The following TPRG1 variants were observed in gnomAD, a reference collection of about 807,000 sequenced individuals.
TPRG1 encodes tumor protein p63 regulated 1.
Under a neutral mutation model 29.3 loss-of-function variants are expected in TPRG1, and 29 were observed. That is an observed-to-expected ratio of 0.99 (90% CI 0.74 to 1.35). The LOEUF (loss-of-function observed/expected upper bound fraction) is 1.35, where lower values mean the gene tolerates loss of function less well. Among genes scored for constraint, TPRG1 ranks in the 40% most tolerant of loss-of-function variants. The pLI, the probability that TPRG1 is intolerant of heterozygous loss-of-function variation, is 0.00. For synonymous variants in TPRG1, 130 were observed against 116.8 expected (o/e 1.11, Z -0.73); for missense variants, 327 against 335.0 (o/e 0.98, Z 0.19).
At chr3:189,203,160 A>C (rs1733768073) in intron 1 of TPRG1, among the ~76,000 whole-genome samples, 1 of 152,194 alleles carries the variant, frequency 6.6e-6, no homozygotes, top group South Asian at 2.1e-4. Flanking sequence ...TCTCAGAGAG[A>C]TAGATGAAGT....
Position 189,148,540 on chromosome 3 carries a change from T to C in TPRG1, c.-227+893T>C, listed in dbSNP as rs111334270. Among the ~76,000 whole-genome samples, 494 of 152,312 alleles carry C rather than the reference T, an allele frequency of 3.2e-3. 1 individual carries two copies. Among genetic ancestry groups the C allele is most frequent in the Middle Eastern group, 6.8e-3 (2 of 294 alleles). ...TTTATTTTAAACAAGGGGCACATCA[T>C]GGGTCATTGCATGGTGTGAGTTGTT... On this transcript the variant is annotated intron_variant, in intron 4 of 6. Transcript: ENST00000412373.
At chr3:189,139,634 G>A (rs1189456898) in intron 3 of TPRG1, among the ~76,000 whole-genome samples, 4 of 150,938 alleles carry the variant, frequency 2.7e-5, no homozygotes, top group African/African-American at 4.9e-5. Flanking sequence ...CAGCATCAGC[G>A]CTGATGCTCC....
At chr3:189,018,023 G>A (rs1436246883) in intron 3 of TPRG1, among the ~76,000 whole-genome samples, 3 of 151,774 alleles carry the variant, frequency 2.0e-5, no homozygotes, top group Non-Finnish European at 4.4e-5. Context: ...CTGCATAAAT[G>A]TCTTCTTTTG....
chr3:189,129,475 T>G (rs1722863675), intron 2 of TPRG1, among the ~76,000 whole-genome samples: 1 of 152,184 alleles, frequency 6.6e-6, no homozygotes, highest in South Asian at 2.1e-4. Context: ...CCACTGTAAA[T>G]TTGCTGTTTC....
At chr3:189,059,120 C>T (rs975208887) in intron 4 of TPRG1, among the ~76,000 whole-genome samples, 2 of 152,126 alleles carry the variant, frequency 1.3e-5, no homozygotes, top group African/African-American at 4.8e-5. Flanking sequence ...CCTCAGTTTC[C>T]TGATGTCTAA....
intron 2 of TPRG1, among the ~76,000 whole-genome samples, chr3:189,211,217 G>T (rs886232684): frequency 4.6e-5 from 7 of 152,006 alleles, no homozygotes; most frequent in Admixed American, 4.6e-4. Flanking sequence ...ATCCAACTAT[G>T]GGAATATACT....
chr3:189,274,056 C>T (rs755045763), intron 4 of TPRG1, among the ~76,000 whole-genome samples: 4 of 152,042 alleles, frequency 2.6e-5, no homozygotes, highest in Non-Finnish European at 5.9e-5. Context: ...TATTTTGTAC[C>T]CCAACTGTCT....
intron 5 of TPRG1, among the ~76,000 whole-genome samples, chr3:189,314,112 T>C (rs550141677): frequency 6.6e-6 from 1 of 152,214 alleles, no homozygotes; most frequent in African/African-American, 2.4e-5. Flanking sequence ...GGTTTCAGGA[T>C]TGGGTAGATG....
chr3:189,132,679 C>A (rs1368597847), exon 3 of TPRG1: 1 of 152,196 alleles, frequency 6.6e-6, no homozygotes. Flanking sequence ...GGCCACTGAA[C>A]TGTCAGGCGG....
intron 5 of TPRG1, among the ~76,000 whole-genome samples, chr3:189,165,150 T>G (rs1434146146): frequency 6.6e-6 from 1 of 151,924 alleles, no homozygotes; most frequent in Non-Finnish European, 1.5e-5. Flanking sequence ...AAACTTTGAG[T>G]TTACCTAGGA....
At chr3:189,279,491 T>G (rs1481405824) in intron 4 of TPRG1, among the ~76,000 whole-genome samples, 1 of 152,236 alleles carries the variant, frequency 6.6e-6, no homozygotes, top group Non-Finnish European at 1.5e-5. Flanking sequence ...AGCTCTATAA[T>G]TATCTATTTG....
At chr3:189,057,201 GC>G (rs1351168487) in intron 4 of TPRG1, among the ~76,000 whole-genome samples, 1 of 152,152 alleles carries the variant, frequency 6.6e-6, no homozygotes, top group Admixed American at 6.5e-5. Context: ...ATACACAGTG[GC>G]ATTTGAGGCC....
intron 1 of TPRG1, among the ~76,000 whole-genome samples, chr3:189,180,054 G>C (rs1330939912): frequency 6.6e-6 from 1 of 152,204 alleles, no homozygotes; most frequent in Non-Finnish European, 1.5e-5. Context: ...AGCATACGAA[G>C]AGATAGAGTT....
rs13314465 is a variant in TPRG1, at chr3:189,166,866, G to A, written c.-10+15994G>A. On this transcript the variant is annotated intron_variant, in intron 5 of 6. Coordinates refer to the TPRG1 transcript ENST00000412373. Reference sequence around the variant, plus strand: ...ATCAGGGTCATTTTCAATTTAATTCGACCATATATTGGGTATCCGAGTCTG... The same window carrying A: ...ATCAGGGTCATTTTCAATTTAATTCAACCATATATTGGGTATCCGAGTCTG... Among the ~76,000 whole-genome samples, 584 of 152,148 alleles carry A rather than the reference G, an allele frequency of 3.8e-3. 3 individuals are homozygous for A. The highest frequency in any genetic ancestry group is 6.4e-3 in the Non-Finnish European group (432 of 67,992).
At position 189,323,201 on chromosome 3, in the gene TPRG1, T is replaced by C. The variant is rs1724462381; in HGVS notation, c.*2381T>C. On this transcript the variant is annotated 3_prime_UTR_variant, in exon 6 of 6. Coordinates refer to ENST00000345063, the MANE Select transcript of TPRG1 (RefSeq NM_198485.4). ...TATTGTGAGAGGAATTGCTGTATGA[T>C]ACCGTTTGGAGAAATGATTGACATA... The C allele has an allele frequency of 6.6e-6, 1 of 152,102 alleles. No individual in the cohort carries two copies. The highest frequency in any genetic ancestry group is 1.5e-5 in the Non-Finnish European group (1 of 67,998). 9.4% of individuals were successfully genotyped at this position (152,102 alleles called of 1,614,324 possible). A position where few individuals can be genotyped will look rare whatever the true frequency, so the allele number is the denominator to read the frequency against.
chr3:189,010,803 T>C (rs2152122676), intron 3 of TPRG1, among the ~76,000 whole-genome samples: 1 of 152,240 alleles, frequency 6.6e-6, no homozygotes, highest in South Asian at 2.1e-4. Context: ...TGTCTATTTT[T>C]GCTTTTGGCA....
chr3:189,032,602 T>A (rs916461088), intron 4 of TPRG1, among the ~76,000 whole-genome samples: 3 of 151,940 alleles, frequency 2.0e-5, no homozygotes, highest in South Asian at 2.1e-4. Context: ...TTTCTTTTTT[T>A]TTATTATTAT....
upstream of TPRG1, among the ~76,000 whole-genome samples, chr3:189,095,856 G>A (rs1434173718): frequency 6.6e-6 from 1 of 152,164 alleles, no homozygotes; most frequent in Non-Finnish European, 1.5e-5. Context: ...AAGAAGCTCA[G>A]CCAGGGCCTA....
intron 1 of TPRG1, among the ~76,000 whole-genome samples, chr3:189,202,037 C>T (rs1414074659): frequency 2.0e-5 from 3 of 152,174 alleles, no homozygotes; most frequent in African/African-American, 7.2e-5. Context: ...GTTCTGGCAA[C>T]TAAGTGTGGC....
Sources: gnomAD v4.1 joint callset for allele counts (sites outside exome capture counted in the v4.1 genomes callset) on GRCh38, gnomAD v4.1.1 for gene constraint, MANE v1.5 for transcripts, NCBI Gene and HGNC (gene_info 2026-07-23, HGNC 2026-07-21) for gene names.